ERCC6L2: variants seen among roughly 807,000 people sequenced by gnomAD.
ERCC6L2 encodes DNA excision repair protein ERCC-6-like 2.
Under a neutral mutation model 132.0 loss-of-function variants are expected in ERCC6L2, and 77 were observed. The observed-to-expected ratio is 0.58, with a 90% CI of 0.49 to 0.71. The LOEUF (loss-of-function observed/expected upper bound fraction) is 0.71, where lower values mean the gene tolerates loss of function less well. Ranked by LOEUF, ERCC6L2 falls within the 30% of genes least tolerant of loss-of-function variation. The probability of loss-of-function intolerance (pLI) is 0.00; values close to 1 mark genes in which losing one functional copy is unlikely to be tolerated. For synonymous variants in ERCC6L2, 583 were observed against 632.4 expected (o/e 0.92, Z 1.17); for missense variants, 1,542 against 1,837.6 (o/e 0.84, Z 2.94).
chr9:95,904,051 A>T (rs1382441524), intron 3 of ERCC6L2, among the ~76,000 whole-genome samples: 1 of 152,100 alleles, frequency 6.6e-6, no homozygotes, highest in African/African-American at 2.4e-5. Flanking sequence ...TAACTGCAGC[A>T]TACTGAAGGA....
chr9:95,888,683 C>CA (rs1471268309), intron 2 of ERCC6L2, among the ~76,000 whole-genome samples: 2 of 152,256 alleles, frequency 1.3e-5, no homozygotes, highest in Non-Finnish European at 2.9e-5. Context: ...GGCTAGCTGA[C>CA]AGAGACTGCA....
intron 17 of ERCC6L2, among the ~76,000 whole-genome samples, chr9:96,003,657 C>T (rs1833765428): frequency 1.3e-5 from 2 of 152,112 alleles, no homozygotes; most frequent in South Asian, 4.1e-4. Flanking sequence ...CTATATTCCA[C>T]ATGGGTGCTG....
In ERCC6L2 at chr9:95,971,080, A is replaced by G. The variant is rs531994631; in HGVS notation, c.2181+424A>G. Among the ~76,000 whole-genome samples, 3 of 152,272 alleles carry G rather than the reference A, an allele frequency of 2.0e-5. No homozygotes were observed. In the South Asian group the frequency reaches 6.2e-4, roughly 32 times the overall value. ...TCCTTAATTTTGTGATCTTTTTAGTAGCTTGTCATCTCATGTACCACCAAA... is the reference window on the plus strand; with the variant it reads ...TCCTTAATTTTGTGATCTTTTTAGTGGCTTGTCATCTCATGTACCACCAAA... On this transcript the variant is annotated intron_variant, in intron 15 of 18. Transcript: ENST00000653738.
At chr9:95,939,834 G>T (rs907041741) in intron 11 of ERCC6L2, among the ~76,000 whole-genome samples, 1 of 151,950 alleles carries the variant, frequency 6.6e-6, no homozygotes, top group Non-Finnish European at 1.5e-5. Context: ...CCTGGTTCTT[G>T]GTATAAGTGA....
At position 95,929,711 on chromosome 9, in the gene ERCC6L2, A is replaced by C. The variant is rs187505693; in HGVS notation, c.1751+847A>C. 3.9e-5 allele frequency among the ~76,000 whole-genome samples: 6 copies of C among 152,338 alleles called. No homozygotes were observed. In the East Asian group the frequency reaches 1.2e-3, roughly 29 times the overall value. ...AAAAGCTTTGGATTCCCATTTTCCT[A>C]TAAAGGAATGCAAGAAGTAATTTTT... On this transcript the variant is annotated intron_variant, in intron 11 of 18. Coordinates refer to ENST00000653738, the MANE Select transcript of ERCC6L2 (RefSeq NM_020207.7).
chr9:96,017,693 G>A lies in ERCC6L2; in HGVS notation c.*4490G>A, dbSNP rs758270373. 1.3e-5 allele frequency among the ~76,000 whole-genome samples: 2 copies of A among 152,168 alleles called. No homozygotes were observed. The highest frequency in any genetic ancestry group is 2.9e-5 in the Non-Finnish European group (2 of 68,034). Reference sequence around the variant, plus strand: ...AGAGGTGCTTCAGTTGCCCCACCACGACTTCCAGCGCCCCCCATCTCTGTA... The same window carrying A: ...AGAGGTGCTTCAGTTGCCCCACCACAACTTCCAGCGCCCCCCATCTCTGTA... On this transcript the variant is annotated 3_prime_UTR_variant, in exon 19 of 19. Transcript: ENST00000653738.
intron 17 of ERCC6L2, among the ~76,000 whole-genome samples, chr9:95,997,035 C>T (rs1321925666): frequency 6.6e-6 from 1 of 152,118 alleles, no homozygotes; most frequent in Non-Finnish European, 1.5e-5. Flanking sequence ...GAGTTCAAGG[C>T]CAGCCTGGTC....
intron 2 of ERCC6L2, among the ~76,000 whole-genome samples, chr9:95,889,883 G>T: frequency 6.6e-6 from 1 of 152,130 alleles, no homozygotes; most frequent in Non-Finnish European, 1.5e-5. Context: ...TACTTAGGTG[G>T]TGTTAACAAT....
At chr9:95,895,811 C>G (rs1828427639) in intron 2 of ERCC6L2, among the ~76,000 whole-genome samples, 1 of 151,118 alleles carries the variant, frequency 6.6e-6, no homozygotes, top group Non-Finnish European at 1.5e-5. Context: ...ACTGCAAACT[C>G]CCTCTCCCAG....
At chr9:95,939,586 G>A (rs890993048) in intron 11 of ERCC6L2, among the ~76,000 whole-genome samples, 5 of 151,994 alleles carry the variant, frequency 3.3e-5, no homozygotes, top group Admixed American at 2.0e-4. Flanking sequence ...CCACTGTACT[G>A]TTCAGCCCAT....
intron 12 of ERCC6L2, among the ~76,000 whole-genome samples, chr9:95,955,239 C>G (rs886128601): frequency 2.0e-5 from 3 of 152,212 alleles, no homozygotes; most frequent in Non-Finnish European, 4.4e-5. Context: ...TCCACCTCAT[C>G]TACGGATGAG....
intron 6 of ERCC6L2, among the ~76,000 whole-genome samples, chr9:95,917,670 G>C (rs910784643): frequency 6.6e-6 from 1 of 152,158 alleles, no homozygotes; most frequent in Non-Finnish European, 1.5e-5. Context: ...TATAAGAAAA[G>C]AATTGTTCAT....
Position 95,881,273 on chromosome 9 carries a change from G to A in ERCC6L2, c.451G>A (p.Gly151Arg), listed in dbSNP as rs1564190148. 1.3e-6 allele frequency: 2 copies of A among 1,567,902 alleles called. No individual in the cohort carries two copies. The highest frequency in any genetic ancestry group is 8.6e-7 in the Non-Finnish European group (1 of 1,164,302). Residue 151 changes from glycine to arginine, a missense_variant, in exon 2 of 19, where the codon GGA (glycine) becomes AGA (arginine). This residue lies in a region of ERCC6L2 where 945 missense variants were observed against 1,105.2 expected (regional missense o/e 0.86). Coordinates refer to ENST00000653738, the MANE Select transcript of ERCC6L2 (RefSeq NM_020207.7). ...GGGCILGDDM[G>R]LGKTVQVISF... ...AGGGTGCATTCTGGGTGATGACATGGGACTTGGAAAAACAGTACAGGTATT... is the reference window on the plus strand; with the variant it reads ...AGGGTGCATTCTGGGTGATGACATGAGACTTGGAAAAACAGTACAGGTATT...
intron 6 of ERCC6L2, chr9:95,918,397 T>C: frequency 2.6e-6 from 1 of 378,576 alleles, no homozygotes; most frequent in South Asian, 2.1e-5. Context: ...TCCGCTGCCT[T>C]GAGAGAGATA....
intron 13 of ERCC6L2, among the ~76,000 whole-genome samples, chr9:95,958,792 A>G (rs916772395): frequency 6.6e-6 from 1 of 152,178 alleles, no homozygotes; most frequent in African/African-American, 2.4e-5. Context: ...TTCAAAGAGA[A>G]TAAAATACCT....
chr9:95,941,011 A>G (rs1830773440), intron 11 of ERCC6L2, among the ~76,000 whole-genome samples: 1 of 151,976 alleles, frequency 6.6e-6, no homozygotes, highest in Non-Finnish European at 1.5e-5. Flanking sequence ...TACCTTTCAG[A>G]GTTTTACGTT....
intron 19 of ERCC6L2, among the ~76,000 whole-genome samples, chr9:96,036,992 T>A (rs1214203207): frequency 6.6e-6 from 1 of 151,568 alleles, no homozygotes; most frequent in Non-Finnish European, 1.5e-5. Flanking sequence ...GGTCTCGATC[T>A]CCTGACCTCG....
chr9:95,933,294 T>A (rs927453176), intron 11 of ERCC6L2, among the ~76,000 whole-genome samples: 6 of 152,210 alleles, frequency 3.9e-5, no homozygotes, highest in African/African-American at 1.4e-4. Flanking sequence ...TCCATTTTTT[T>A]AATCCTTTCT....
At chr9:96,028,497 G>A (rs1000123556) in intron 19 of ERCC6L2, among the ~76,000 whole-genome samples, 1 of 152,150 alleles carries the variant, frequency 6.6e-6, no homozygotes, top group Non-Finnish European at 1.5e-5. Flanking sequence ...GACCACTAGG[G>A]TCCCACGCAA....
Sources: allele counts gnomAD v4.1 joint callset (sites outside exome capture counted in the v4.1 genomes callset), GRCh38; gene constraint gnomAD v4.1.1; regional missense constraint gnomAD v4.1.1; transcripts MANE v1.5; gene names NCBI Gene and HGNC (gene_info 2026-07-23, HGNC 2026-07-21).